The following PAX3 variants were observed in gnomAD, a reference collection of about 807,000 sequenced individuals.
PAX3 encodes paired box 3.
A neutral mutation model predicts 51.6 loss-of-function variants in PAX3; 14 were observed. That is an observed-to-expected ratio of 0.27 (90% CI 0.18 to 0.42). PAX3 has a LOEUF of 0.42. Among genes scored for constraint, PAX3 ranks in the 10% least tolerant of loss-of-function variants. PAX3 has a pLI of 1.00. For synonymous variants in PAX3, 280 were observed against 253.4 expected (o/e 1.11, Z -1.00); for missense variants, 540 against 642.8 (o/e 0.84, Z 1.73).
chr2:222,291,063 G>T (rs1299408435), intron 4 of PAX3, among the ~76,000 whole-genome samples: 1 of 152,170 alleles, frequency 6.6e-6, no homozygotes, highest in African/African-American at 2.4e-5. Flanking sequence ...GGGAGGGGGC[G>T]GAGCGGCGCG....
intron 4 of PAX3, among the ~76,000 whole-genome samples, chr2:222,251,807 T>C (rs1693445525): frequency 6.6e-6 from 1 of 152,214 alleles, no homozygotes. Context: ...CCACTCTAAC[T>C]GGTGTGAGAT....
intron 7 of PAX3, among the ~76,000 whole-genome samples, chr2:222,219,312 C>A (rs1692091067): frequency 6.6e-6 from 1 of 152,060 alleles, no homozygotes; most frequent in Non-Finnish European, 1.5e-5. Flanking sequence ...TTATAGATTG[C>A]AACCCCTTGT....
intron 7 of PAX3, among the ~76,000 whole-genome samples, chr2:222,213,426 C>T (rs946167920): frequency 1.3e-5 from 2 of 152,174 alleles, no homozygotes; most frequent in Admixed American, 1.3e-4. Context: ...GAATGGAAAC[C>T]TCCAAATGGC....
At chr2:222,293,688 C>T (rs777026331) in intron 4 of PAX3, 2 of 1,614,104 alleles carry the variant, frequency 1.2e-6, no homozygotes, top group East Asian at 4.5e-5. Context: ...TTTTGGAGGG[C>T]CGTTGCCCAA....
intron 7 of PAX3, among the ~76,000 whole-genome samples, chr2:222,211,164 A>G (rs1691711796): frequency 6.6e-6 from 1 of 152,184 alleles, no homozygotes; most frequent in Admixed American, 6.6e-5. Context: ...ACACTTGGCC[A>G]TACATGATAT....
intron 4 of PAX3, among the ~76,000 whole-genome samples, chr2:222,235,648 G>A (rs1372216026): frequency 6.6e-6 from 1 of 152,122 alleles, no homozygotes; most frequent in Non-Finnish European, 1.5e-5. Flanking sequence ...TGTCAAACAG[G>A]AATGCAGGTA....
chr2:222,254,856 C>T (rs1231580228), intron 4 of PAX3, among the ~76,000 whole-genome samples: 1 of 152,094 alleles, frequency 6.6e-6, no homozygotes, highest in African/African-American at 2.4e-5. Flanking sequence ...GATCTCATCT[C>T]ACTGCAACCT....
rs576270604 is a variant in PAX3, at chr2:222,203,925, T to C, written c.1174-1735A>G. 9.2e-5 allele frequency among the ~76,000 whole-genome samples: 14 copies of C among 152,292 alleles called. No homozygotes were observed. In the South Asian group the frequency reaches 2.9e-3, roughly 32 times the overall value. On this transcript the variant is annotated intron_variant, in intron 7 of 8. Coordinates refer to ENST00000392070, the MANE Select transcript of PAX3 (RefSeq NM_181458.4). ...TCCCCAGAAATCCTGTTTTTCATTT[T>C]GTTGTCTCTCTTTCATTTGAGTTAT...
intron 4 of PAX3, among the ~76,000 whole-genome samples, chr2:222,258,522 C>T (rs931110529): frequency 2.0e-5 from 3 of 152,116 alleles, no homozygotes; most frequent in Non-Finnish European, 4.4e-5. Context: ...CCACCACCAC[C>T]CTGCCCCTGC....
intron 4 of PAX3, among the ~76,000 whole-genome samples, chr2:222,246,355 T>G (rs1231170046): frequency 1.3e-5 from 2 of 152,334 alleles, no homozygotes; most frequent in Non-Finnish European, 2.9e-5. Context: ...CAGTTCAAAC[T>G]CAAGCTCATT....
At chr2:222,294,891 C>T (rs1258397818) in intron 3 of PAX3, among the ~76,000 whole-genome samples, 1 of 150,186 alleles carries the variant, frequency 6.7e-6, no homozygotes, top group Non-Finnish European at 1.5e-5. Context: ...AAAGAAAATG[C>T]ACTCTCTCCC....
intron 5 of PAX3, among the ~76,000 whole-genome samples, chr2:222,223,252 G>C (rs1372164798): frequency 6.6e-6 from 1 of 152,158 alleles, no homozygotes; most frequent in African/African-American, 2.4e-5. Flanking sequence ...AAGGAAAGCT[G>C]TTTGAACTTC....
chr2:222,202,357 C>T (rs1284997884), intron 7 of PAX3, among the ~76,000 whole-genome samples, 167 bp from the exon 8 acceptor site: 1 of 151,952 alleles, frequency 6.6e-6, no homozygotes, highest in Non-Finnish European at 1.5e-5. Context: ...GATATTACAT[C>T]ATGCCCGACG....
At chr2:222,269,134 T>C (rs1418477954) in intron 4 of PAX3, among the ~76,000 whole-genome samples, 1 of 152,226 alleles carries the variant, frequency 6.6e-6, no homozygotes, top group Non-Finnish European at 1.5e-5. Flanking sequence ...CTATTAACTG[T>C]TTCATTTTGT....
chr2:222,269,527 T>C (rs1001704317), intron 4 of PAX3, among the ~76,000 whole-genome samples: 4 of 152,156 alleles, frequency 2.6e-5, no homozygotes, highest in African/African-American at 9.7e-5. Flanking sequence ...GACTTACTTT[T>C]CCTTAAGTAG....
At chr2:222,295,767 C>T (rs771105569) in intron 2 of PAX3, 110 bp from the exon 3 acceptor site, 18 of 1,295,338 alleles carry the variant, frequency 1.4e-5, no homozygotes, top group Middle Eastern at 2.6e-4. Context: ...TCCTCTGGGA[C>T]GGTCCCCCTT....
intron 1 of PAX3, 76 bp downstream of exon 1, chr2:222,298,455 G>A: frequency 1.6e-6 from 2 of 1,252,994 alleles, no homozygotes; most frequent in Non-Finnish European, 2.3e-6. Context: ...AAAGGAGCCT[G>A]CGGAGCCTGG....
At chr2:222,215,404 A>G (rs1326775835) in intron 7 of PAX3, among the ~76,000 whole-genome samples, 3 of 152,206 alleles carry the variant, frequency 2.0e-5, no homozygotes, top group East Asian at 3.9e-4. Flanking sequence ...AGATTCCTAT[A>G]AACAGTGTAA....
chr2:222,273,167 C>G (rs1694308280), intron 4 of PAX3, among the ~76,000 whole-genome samples: 1 of 152,162 alleles, frequency 6.6e-6, no homozygotes, highest in Admixed American at 6.5e-5. Context: ...TTCCAGCCAG[C>G]CTGGCAGGAC....
Sources: gnomAD v4.1 joint callset for allele counts (sites outside exome capture counted in the v4.1 genomes callset) on GRCh38, gnomAD v4.1.1 for gene constraint, MANE v1.5 for transcripts, NCBI Gene and HGNC (gene_info 2026-07-23, HGNC 2026-07-21) for gene names.